Variants in FBL observed in about 807,000 individuals in gnomAD.
The protein encoded by FBL is rRNA 2'-O-methyltransferase fibrillarin.
In FBL, 10 loss-of-function variants were observed where a neutral mutation model predicts 42.2. The ratio of observed to expected loss-of-function variants is 0.24; its 90% CI spans 0.15 to 0.40. The LOEUF is 0.40. Among genes scored for constraint, FBL ranks in the 10% least tolerant of loss-of-function variants. The probability of loss-of-function intolerance (pLI) is 1.00; values close to 1 mark genes in which losing one functional copy is unlikely to be tolerated. For synonymous variants in FBL, 165 were observed against 165.4 expected, an observed-to-expected ratio of 1.00 and a Z score of 0.02; for missense variants, 351 against 439.2, an observed-to-expected ratio of 0.80 and a Z score of 1.79.
intron 7 of FBL, among the ~76,000 whole-genome samples, 180 bp downstream of exon 7, chr19:39,836,376 C>T (rs1969049020): frequency 6.6e-6 from 1 of 152,106 alleles, no homozygotes; most frequent in Non-Finnish European, 1.5e-5. Context: ...TGGGATTAAA[C>T]TCAGATGGTC....
chr19:39,841,892 C>G (rs963911647), intron 1 of FBL, among the ~76,000 whole-genome samples: 1 of 152,220 alleles, frequency 6.6e-6, no homozygotes, highest in Non-Finnish European at 1.5e-5. Flanking sequence ...CTTACCAGTT[C>G]AGGACAACAA....
At chr19:39,842,795 C>T (rs1969185860) in intron 1 of FBL, among the ~76,000 whole-genome samples, 1 of 152,172 alleles carries the variant, frequency 6.6e-6, no homozygotes, top group Non-Finnish European at 1.5e-5. Flanking sequence ...TCCCCTAAAG[C>T]TCTCCAGGTG....
intron 6 of FBL, 79 bp downstream of exon 6, chr19:39,837,631 GA>G (rs1969075303): frequency 3.8e-6 from 5 of 1,313,944 alleles, no homozygotes; most frequent in Non-Finnish European, 5.2e-6. Context: ...AACTCCATCC[GA>G]ATCAGAGATC....
At position 39,840,758 on chromosome 19, in the gene FBL, C is replaced by T. The variant is rs993029393; in HGVS notation, c.40G>A (p.Gly14Ser). Residue 14 changes from glycine to serine, a missense_variant, in exon 2 of 9, where the codon GGC (glycine) becomes AGC (serine). Coordinates refer to ENST00000221801, the MANE Select transcript of FBL (RefSeq NM_001436.4). The surrounding 1 kb of genome is among the most constrained non-coding windows in gnomAD (Gnocchi z 4.5). ...GFSPRGGGFG[G>S]RGGFGDRGGR... ...CCACGGTCACCAAAGCCCCCTCGGC[C>T]GCCAAAGCCACCCCCACGGGGACTG... 13 of 1,570,426 alleles carry T rather than the reference C, an allele frequency of 8.3e-6. No individual in the cohort carries two copies. The African/African-American group carries it at 9.5e-5, about 11-fold the overall frequency.
chr19:39,843,533 AC>A lies in FBL; in HGVS notation c.11-2747del, dbSNP rs1264695915. On this transcript the variant is annotated intron_variant, in intron 1 of 8. Transcript: ENST00000221801. The stretch of plus-strand genomic sequence containing the variant: ...GCCTGTAATCCCAGCACTTTGGGAG[AC>A]CCAGGCAGGCGGACAGTTTGAGGCC... Among the ~76,000 whole-genome samples the A allele has an allele frequency of 2.0e-5, 3 of 152,222 alleles. No individual in the cohort carries two copies. The East Asian group carries it at 5.8e-4, about 29-fold the overall frequency.
At position 39,846,368 on chromosome 19, in the gene FBL, C is replaced by T. The variant is rs1969264224; in HGVS notation, c.-68G>A. 6.3e-7 allele frequency: 1 copy of T among 1,598,858 alleles called. No individual in the cohort carries two copies. ...CAACTCCACGAGTCCGGGGCTTTCG[C>T]ACGTGGAAAAGAGCGCAGGCGCGCG... On this transcript the variant is annotated 5_prime_UTR_variant, in exon 1 of 9. Coordinates refer to ENST00000221801, the MANE Select transcript of FBL (RefSeq NM_001436.4).
intron 1 of FBL, among the ~76,000 whole-genome samples, chr19:39,845,109 G>T (rs1392948407): frequency 4.6e-5 from 7 of 152,032 alleles, no homozygotes; most frequent in Non-Finnish European, 1.0e-4. Flanking sequence ...CCTGCCAGGT[G>T]ACCCCCATCT....
At chr19:39,837,922 C>T (rs1969082341) in intron 5 of FBL, 79 bp from the exon 6 acceptor site, 13 of 1,194,104 alleles carry the variant, frequency 1.1e-5, no homozygotes, top group Non-Finnish European at 1.4e-5. Flanking sequence ...ATACACTATA[C>T]ACAGCATCTC....
chr19:39,835,391 C>T (rs1303846975), intron 7 of FBL, among the ~76,000 whole-genome samples: 4 of 152,082 alleles, frequency 2.6e-5, no homozygotes, highest in African/African-American at 4.8e-5. Context: ...TGGTGGCGCA[C>T]ACCTGTAGTC....
rs1175054831 is a variant in FBL at position 39,836,601 on chromosome 19, G to C, written c.750C>G (p.Ala250=). The C allele has an allele frequency of 2.5e-6, 4 of 1,614,068 alleles. No homozygotes were observed. In the South Asian group the frequency reaches 4.4e-5, roughly 18 times the overall value. The change falls in exon 7 of 9, where the codon GCC becomes GCG. Residue 250 remains alanine (A), a synonymous_variant. Transcript: ENST00000221801. ...GTCCTCCATTACGCAGGAAGGTGTG[G>C]GCATTCAGGGCCACAATCCGGGTCT... ...PDQTRIVALN[A]HTFLRNGGHF...
At chr19:39,841,301 C>T (rs1969160587) in intron 1 of FBL, among the ~76,000 whole-genome samples, 1 of 152,178 alleles carries the variant, frequency 6.6e-6, no homozygotes, top group Non-Finnish European at 1.5e-5. Flanking sequence ...AGTGATCCTC[C>T]TGCCTTGGCC....
intron 1 of FBL, among the ~76,000 whole-genome samples, chr19:39,843,500 T>C (rs1208625313): frequency 6.6e-6 from 1 of 152,242 alleles, no homozygotes; most frequent in Non-Finnish European, 1.5e-5. Flanking sequence ...CCACGCGCCA[T>C]AGCTCATGCC....
At chr19:39,839,413 A>G (rs1201967015) in intron 4 of FBL, among the ~76,000 whole-genome samples, 2 of 152,140 alleles carry the variant, frequency 1.3e-5, no homozygotes, top group Non-Finnish European at 2.9e-5. Flanking sequence ...ATAAACACAA[A>G]CAGTAACAGT....
intron 7 of FBL, 142 bp downstream of exon 7, chr19:39,836,414 A>T (rs1969049639): frequency 1.5e-5 from 8 of 525,220 alleles, no homozygotes. Flanking sequence ...TGACCGCTGC[A>T]CTCTCCTGCC....
At chr19:39,837,582 T>C (rs930837703) in intron 6 of FBL, 129 bp downstream of exon 6, 28 of 866,098 alleles carry the variant, frequency 3.2e-5, no homozygotes, top group Non-Finnish European at 4.4e-5. Context: ...CTTACCCCTT[T>C]CTATTCCTGC....
At position 39,834,779 on chromosome 19, in the gene FBL, G is replaced by A. The variant is rs769879656; in HGVS notation, c.830C>T (p.Ala277Val). The change falls in exon 8 of 9, where the codon GCC becomes GTC. Residue 277 changes from alanine to valine, a missense_variant. Coordinates refer to ENST00000221801, the MANE Select transcript of FBL (RefSeq NM_001436.4). Reference sequence around the variant, plus strand: ...CTTTTTCACTTCGGAGGCAAACACGGCCTCGGCTGAGGCTGTGGAGTCAAT... The same window carrying A: ...CTTTTTCACTTCGGAGGCAAACACGACCTCGGCTGAGGCTGTGGAGTCAAT... ...NCIDSTASAE[A>V]VFASEVKKMQ... 4.3e-6 allele frequency: 7 copies of A among 1,614,222 alleles called. No homozygotes were observed. Among genetic ancestry groups the A allele is most frequent in the Non-Finnish European group, 5.1e-6 (6 of 1,180,036 alleles).
At chr19:39,838,992 G>A (rs368902600) in intron 5 of FBL, 43 bp downstream of exon 5, 83 of 1,553,750 alleles carry the variant, frequency 5.3e-5, no homozygotes, top group Non-Finnish European at 6.8e-5. Context: ...GCAGAAGGGA[G>A]GCAGCCTTTA....
Position 39,846,379 on chromosome 19 carries a change from G to C in FBL, c.-79C>G. 1 of 1,572,372 alleles carries C rather than the reference G, an allele frequency of 6.4e-7. No individual in the cohort carries two copies. The highest frequency in any genetic ancestry group is 2.3e-5 in the East Asian group (1 of 42,740). The stretch of plus-strand genomic sequence containing the variant: ...GTCCGGGGCTTTCGCACGTGGAAAA[G>C]AGCGCAGGCGCGCGGCGACGTGCGC... On this transcript the variant is annotated 5_prime_UTR_variant, in exon 1 of 9. Coordinates refer to ENST00000221801, the MANE Select transcript of FBL (RefSeq NM_001436.4).
Position 39,840,366 on chromosome 19 carries a change from C to CCT in FBL, c.284-41_284-40dup. On this transcript the variant is annotated intron_variant, in intron 3 of 8. Coordinates refer to ENST00000221801, the MANE Select transcript of FBL (RefSeq NM_001436.4). The surrounding 1 kb of genome is among the most constrained non-coding windows in gnomAD (Gnocchi z 4.5). ...TCAGAGCAGGGGTGAGGACCCCCAGCCTCTCCCTGCCCCGAAGCTCAGCCG... is the reference window on the plus strand; with the variant it reads ...TCAGAGCAGGGGTGAGGACCCCCAGCCTCTCTCCCTGCCCCGAAGCTCAGCCG... 6.2e-7 allele frequency: 1 copy of CCT among 1,611,726 alleles called. No individual in the cohort carries two copies.
Sources: gnomAD v4.1 joint callset for allele counts (sites outside exome capture counted in the v4.1 genomes callset) on GRCh38, gnomAD v4.1.1 for gene constraint, Gnocchi (gnomAD v3.1) non-coding constraint, MANE v1.5 for transcripts, NCBI Gene and HGNC (gene_info 2026-07-23, HGNC 2026-07-21) for gene names.